SH3D19: variants seen among roughly 807,000 people sequenced by gnomAD.
The protein encoded by SH3D19 is SH3 domain containing 19, also known as SH3 domain-containing protein 19.
A neutral mutation model predicts 112.1 loss-of-function variants in SH3D19; 58 were observed. The observed-to-expected ratio is 0.52, with a 90% CI of 0.42 to 0.64. The LOEUF (loss-of-function observed/expected upper bound fraction) is 0.64, where lower values mean the gene tolerates loss of function less well. Among genes scored for constraint, SH3D19 ranks in the 30% least tolerant of loss-of-function variants. The probability of loss-of-function intolerance (pLI) is 0.00; values close to 1 mark genes in which losing one functional copy is unlikely to be tolerated. For synonymous variants in SH3D19, 391 were observed against 448.5 expected (o/e 0.87, Z 1.62); for missense variants, 1,090 against 1,263.4 (o/e 0.86, Z 2.08).
At chr4:151,197,066 C>T (rs747910511) in intron 2 of SH3D19, among the ~76,000 whole-genome samples, 1 of 152,128 alleles carries the variant, frequency 6.6e-6, no homozygotes, top group Non-Finnish European at 1.5e-5. Context: ...ACTAGTACAG[C>T]CACTATGGAA....
intron 1 of SH3D19, among the ~76,000 whole-genome samples, chr4:151,323,964 G>A (rs1351705315): frequency 1.3e-5 from 2 of 152,098 alleles, no homozygotes; most frequent in South Asian, 4.1e-4. Context: ...TCTTTGTAAA[G>A]TTTTTTCATT....
At chr4:151,230,922 T>G (rs1769558555) in intron 1 of SH3D19, among the ~76,000 whole-genome samples, 1 of 152,118 alleles carries the variant, frequency 6.6e-6, no homozygotes, top group Admixed American at 6.6e-5. Context: ...CAAAATCTCT[T>G]TAGCAGATGC....
chr4:151,268,409 A>C (rs544770294), intron 1 of SH3D19, among the ~76,000 whole-genome samples: 5 of 152,154 alleles, frequency 3.3e-5, no homozygotes, highest in Admixed American at 2.6e-4. Context: ...TAGACTTTAT[A>C]AACACTGTAC....
chr4:151,193,827 G>A (rs1335944093), intron 2 of SH3D19, among the ~76,000 whole-genome samples: 1 of 152,110 alleles, frequency 6.6e-6, no homozygotes, highest in African/African-American at 2.4e-5. Flanking sequence ...GTATAATTGT[G>A]TTCAATGGAC....
At chr4:151,181,941 C>G (rs542757267) in intron 3 of SH3D19, among the ~76,000 whole-genome samples, 1 of 151,774 alleles carries the variant, frequency 6.6e-6, no homozygotes, top group South Asian at 2.1e-4. Context: ...CTGTGCAGAC[C>G]AGGATATCCA....
chr4:151,215,364 T>A (rs1287595603), intron 2 of SH3D19, among the ~76,000 whole-genome samples: 2 of 152,262 alleles, frequency 1.3e-5, no homozygotes, highest in African/African-American at 4.8e-5. Context: ...CTTGATAGCA[T>A]CCCTGAACTG....
At chr4:151,290,993 C>T in intron 1 of SH3D19, 1 of 658,552 alleles carries the variant, frequency 1.5e-6, no homozygotes, top group Non-Finnish European at 2.6e-6. Flanking sequence ...TAGTCCAGCC[C>T]CCTGCAGGGT....
At position 151,165,632 on chromosome 4, in the gene SH3D19, G is replaced by A. The variant is rs775622528; in HGVS notation, c.1599C>T (p.Thr533=). The A allele has an allele frequency of 7.0e-5, 113 of 1,614,000 alleles. No homozygotes were observed. Among genetic ancestry groups the A allele is most frequent in the Non-Finnish European group, 9.4e-5 (111 of 1,179,996 alleles). ...GAATTCGAATTACAGTGGGCTTCCTGGTGGGTGCTGGTTGAACTGCTCGTT... is the reference window on the plus strand; with the variant it reads ...GAATTCGAATTACAGTGGGCTTCCTAGTGGGTGCTGGTTGAACTGCTCGTT... ...IKERAVQPAP[T]RKPTVIRIPA... The change falls in exon 8 of 20, where the codon ACC becomes ACT. Residue 533 remains threonine (T), a synonymous_variant. Coordinates refer to ENST00000604030, the MANE Select transcript of SH3D19 (RefSeq NM_001378122.1).
At chr4:151,291,350 T>G in intron 1 of SH3D19, 1 of 1,613,990 alleles carries the variant, frequency 6.2e-7, no homozygotes, top group Admixed American at 1.7e-5. Flanking sequence ...TCCTGTGCCT[T>G]TGGACCTAAC....
chr4:151,245,258 T>A (rs968501467), intron 1 of SH3D19, among the ~76,000 whole-genome samples: 1 of 152,178 alleles, frequency 6.6e-6, no homozygotes, highest in African/African-American at 2.4e-5. Flanking sequence ...ATTAATTTGT[T>A]CAAGTCTTAA....
intron 7 of SH3D19, chr4:151,170,649 T>C (rs902840175): frequency 5.9e-5 from 9 of 152,162 alleles, no homozygotes; most frequent in African/African-American, 2.2e-4. Context: ...CTGAGGGTCA[T>C]TGGGGGAAGC....
chr4:151,244,405 A>G (rs1580314696), intron 1 of SH3D19, among the ~76,000 whole-genome samples: 1 of 152,250 alleles, frequency 6.6e-6, no homozygotes, highest in East Asian at 1.9e-4. Flanking sequence ...CAAGGAAAAG[A>G]GAATCTGCAA....
At chr4:151,293,032 A>G (rs964748787) in intron 1 of SH3D19, among the ~76,000 whole-genome samples, 1 of 152,062 alleles carries the variant, frequency 6.6e-6, no homozygotes, top group Non-Finnish European at 1.5e-5. Flanking sequence ...AGGCAGGAGA[A>G]TCACTTGAAC....
intron 1 of SH3D19, among the ~76,000 whole-genome samples, chr4:151,297,111 G>T (rs1240360355): frequency 6.6e-6 from 1 of 152,174 alleles, no homozygotes. Context: ...AGGAGGAAGG[G>T]GAGGAGTCAT....
intron 1 of SH3D19, among the ~76,000 whole-genome samples, chr4:151,258,546 G>A (rs1044832556): frequency 2.0e-5 from 3 of 152,202 alleles, no homozygotes; most frequent in South Asian, 2.1e-4. Context: ...AGCACTGAGC[G>A]AGCCCTGCTC....
At position 151,287,232 on chromosome 4, in the gene SH3D19, T is replaced by C. The variant is rs564016173; in HGVS notation, c.112+38009A>G. 9.6e-4 allele frequency among the ~76,000 whole-genome samples: 144 copies of C among 149,258 alleles called. 1 individual carries two copies. Among genetic ancestry groups the C allele is most frequent in the African/African-American group, 3.5e-3 (141 of 40,474 alleles). On this transcript the variant is annotated intron_variant, in intron 1 of 19. Coordinates refer to ENST00000604030, the MANE Select transcript of SH3D19 (RefSeq NM_001378122.1). Reference sequence around the variant, plus strand: ...GGCTCATGCCTGTAATCCCAGCTACTGAGGAGGCTGAGGGAGGAGAATCAC... The same window carrying C: ...GGCTCATGCCTGTAATCCCAGCTACCGAGGAGGCTGAGGGAGGAGAATCAC...
Position 151,128,160 on chromosome 4 carries a change from GT to G in SH3D19, c.2929+9del, listed in dbSNP as rs1490588696. On this transcript the variant is annotated intron_variant, in intron 18 of 19. Coordinates refer to ENST00000604030, the MANE Select transcript of SH3D19 (RefSeq NM_001378122.1). ...TGAGGAGTCGCATTCATGTCTTGCGGTTGTCATACCTGGGCAGGGCCTCACA... is the reference window on the plus strand; with the variant it reads ...TGAGGAGTCGCATTCATGTCTTGCGGTGTCATACCTGGGCAGGGCCTCACA... 6.3e-7 allele frequency: 1 copy of G among 1,585,436 alleles called. No homozygotes were observed. The highest frequency in any genetic ancestry group is 1.8e-5 in the Admixed American group (1 of 55,278).
At chr4:151,230,742 G>A (rs921650587) in intron 1 of SH3D19, among the ~76,000 whole-genome samples, 48 of 151,946 alleles carry the variant, frequency 3.2e-4, no homozygotes, top group African/African-American at 9.9e-4. Flanking sequence ...CACCATGCCC[G>A]GCTAATTTTT....
At chr4:151,132,122 T>C (rs146427251) in intron 17 of SH3D19, among the ~76,000 whole-genome samples, 186 of 152,322 alleles carry the variant, frequency 1.2e-3, no homozygotes, top group African/African-American at 4.3e-3. Context: ...CTCTGCCCAG[T>C]CTCTGTTTTC....
Sources: allele counts gnomAD v4.1 joint callset (sites outside exome capture counted in the v4.1 genomes callset), GRCh38; gene constraint gnomAD v4.1.1; transcripts MANE v1.5; gene names NCBI Gene and HGNC (gene_info 2026-07-23, HGNC 2026-07-21).